The following DGKD variants were observed in gnomAD, a reference collection of about 807,000 sequenced individuals.
DGKD encodes the protein diacylglycerol kinase delta.
DGKD carries 68 observed loss-of-function variants against 154.4 expected under a neutral mutation model. The observed-to-expected ratio is 0.44, with a 90% CI of 0.36 to 0.54. The LOEUF is 0.54. Ranked by LOEUF, DGKD falls within the 20% of genes least tolerant of loss-of-function variation. DGKD has a pLI of 0.00. For synonymous variants in DGKD, 693 were observed against 638.0 expected (o/e 1.09, Z -1.30); for missense variants, 1,343 against 1,593.6 (o/e 0.84, Z 2.68).
chr2:233,389,596 A>T (rs1703445924), intron 2 of DGKD, among the ~76,000 whole-genome samples: 1 of 152,136 alleles, frequency 6.6e-6, no homozygotes, highest in South Asian at 2.1e-4. Context: ...AAACACGACA[A>T]AATAACCTTT....
At position 233,400,550 on chromosome 2, in the gene DGKD, G is replaced by A. The variant is rs182281186; in HGVS notation, c.348+10067G>A. ...ACTTCCTAACTGCCTCTCCTCTCACGGCTCTCCTTCCGTGCCCCCTACCTT... is the reference window on the plus strand; with the variant it reads ...ACTTCCTAACTGCCTCTCCTCTCACAGCTCTCCTTCCGTGCCCCCTACCTT... On this transcript the variant is annotated intron_variant, in intron 3 of 29. Coordinates refer to ENST00000264057, the MANE Select transcript of DGKD (RefSeq NM_152879.3). 1.4e-4 allele frequency among the ~76,000 whole-genome samples: 21 copies of A among 152,326 alleles called. No individual in the cohort carries two copies. In the East Asian group the frequency reaches 2.5e-3, roughly 18 times the overall value.
rs569139515 is a variant in DGKD, at chr2:233,448,590, G to A, written c.1614+215G>A. 7.2e-5 allele frequency among the ~76,000 whole-genome samples: 11 copies of A among 152,380 alleles called. No individual in the cohort carries two copies. The East Asian group carries it at 1.9e-3, about 27-fold the overall frequency. On this transcript the variant is annotated intron_variant, in intron 14 of 29. Coordinates refer to ENST00000264057, the MANE Select transcript of DGKD (RefSeq NM_152879.3). ...AAGTACACTCCACACTGTGGGAGCT[G>A]CCCGAGCAGCGGCTCAAGGGTCCAG...
chr2:233,361,511 C>G (rs1415962772), intron 1 of DGKD, among the ~76,000 whole-genome samples: 1 of 152,182 alleles, frequency 6.6e-6, no homozygotes, highest in Non-Finnish European at 1.5e-5. Flanking sequence ...CCAGTCGAAA[C>G]TACAGGCTGT....
intron 1 of DGKD, among the ~76,000 whole-genome samples, chr2:233,365,280 G>A (rs1398065964): frequency 1.3e-5 from 2 of 151,874 alleles, no homozygotes; most frequent in Non-Finnish European, 2.9e-5. Context: ...GCCCAGACTG[G>A]AGTGTAATGG....
At chr2:233,466,127 A>G (rs918615393) in intron 27 of DGKD, among the ~76,000 whole-genome samples, 3 of 151,838 alleles carry the variant, frequency 2.0e-5, no homozygotes, top group African/African-American at 4.8e-5. Context: ...CTGTGCTCCA[A>G]GCAATGGTCT....
intron 3 of DGKD, among the ~76,000 whole-genome samples, chr2:233,418,896 C>G (rs1372765790): frequency 1.3e-5 from 2 of 152,200 alleles, no homozygotes; most frequent in Non-Finnish European, 2.9e-5. Flanking sequence ...CGGACCTGGG[C>G]ACTCAGGCTC....
At chr2:233,446,868 ATC>A in intron 12 of DGKD, 72 bp downstream of exon 12, 1 of 1,560,154 alleles carries the variant, frequency 6.4e-7, no homozygotes, top group Non-Finnish European at 8.8e-7. Context: ...AGCGGTTTGC[ATC>A]ACCTCCCTTG....
Position 233,456,954 on chromosome 2 carries a change from C to T in DGKD, c.2431C>T (p.His811Tyr). 6.2e-7 allele frequency: 1 copy of T among 1,614,202 alleles called. No homozygotes were observed. Among genetic ancestry groups the T allele is most frequent in the Non-Finnish European group, 8.5e-7 (1 of 1,180,018 alleles). The change falls in exon 20 of 30, where the codon CAC becomes TAC. Residue 811 changes from histidine (H) to tyrosine (Y), a missense_variant. By Grantham distance (83) the His-to-Tyr change is moderately conservative (BLOSUM62 2). Around this residue, in one of 6 missense-constraint regions of DGKD, gnomAD observed 60 missense variants for 112.4 expected, o/e 0.53. Transcript: ENST00000264057. Reference protein sequence around the residue: ...YGVLGTKELLHRTYKNLEQKV... With the variant: ...YGVLGTKELLYRTYKNLEQKV... The stretch of plus-strand genomic sequence containing the variant: ...AGTTCTTGGAACCAAAGAGTTGCTG[C>T]ACAGAACCTACAAGAACCTGGAGCA...
At chr2:233,362,649 A>G (rs753985518) in intron 1 of DGKD, among the ~76,000 whole-genome samples, 20 of 152,184 alleles carry the variant, frequency 1.3e-4, no homozygotes, top group Non-Finnish European at 2.4e-4. Flanking sequence ...GAAACTCTGT[A>G]TTAAATAGAA....
chr2:233,407,133 G>T (rs532065101), intron 3 of DGKD, among the ~76,000 whole-genome samples: 1 of 152,168 alleles, frequency 6.6e-6, no homozygotes, highest in African/African-American at 2.4e-5. Context: ...ACAGAAGTGC[G>T]TTCTGAATGT....
At chr2:233,411,241 T>C (rs1043718745) in intron 3 of DGKD, among the ~76,000 whole-genome samples, 4 of 152,228 alleles carry the variant, frequency 2.6e-5, no homozygotes, top group Non-Finnish European at 4.4e-5. Flanking sequence ...AGTAGGTATA[T>C]GTTTAACTTC....
chr2:233,440,909 A>G lies in DGKD; in HGVS notation c.1086-978A>G, dbSNP rs2062864943. Among the ~76,000 whole-genome samples, 2 of 151,958 alleles carry G rather than the reference A, an allele frequency of 1.3e-5. No individual in the cohort carries two copies. The highest frequency in any genetic ancestry group is 1.3e-4 in the Admixed American group (2 of 15,254). On this transcript the variant is annotated intron_variant, in intron 9 of 29. Transcript: ENST00000264057. The surrounding 1 kb of genome is among the most constrained non-coding windows in gnomAD (Gnocchi z 4.9). Reference sequence around the variant, plus strand: ...CGGGTGGCTGGGTTGGGTGTGGAGGAGAGGCTGCCAGGAGGGGCTGGGTCG... The same window carrying G: ...CGGGTGGCTGGGTTGGGTGTGGAGGGGAGGCTGCCAGGAGGGGCTGGGTCG...
intron 28 of DGKD, 113 bp from the exon 29 acceptor site, chr2:233,468,310 T>C: frequency 7.4e-7 from 1 of 1,345,300 alleles, no homozygotes; most frequent in South Asian, 1.4e-5. Context: ...GTGCTGGCTG[T>C]TGGGACGTCT....
intron 1 of DGKD, among the ~76,000 whole-genome samples, chr2:233,374,241 G>A (rs187513123): frequency 3.1e-4 from 47 of 152,258 alleles, no homozygotes; most frequent in South Asian, 6.2e-4. Context: ...AGCAGAGACA[G>A]GGTTTCACCA....
In DGKD at chr2:233,354,526, C is replaced by G. The variant is rs1388376140; in HGVS notation, c.8C>G (p.Ala3Gly). Reference protein sequence around the residue: MAAAAGAPPPGPP... With the variant: MAGAAGAPPPGPP... ...GCGCGCTGGCCCGGCAGCATGGCGG[C>G]GGCGGCGGGCGCCCCTCCGCCGGGT... Residue 3 changes from alanine (A) to glycine (G), a missense_variant, in exon 1 of 30, where the codon GCG becomes GGG. Around this residue, in one of 6 missense-constraint regions of DGKD, gnomAD observed 57 missense variants for 27.8 expected, o/e 2.05. Coordinates refer to ENST00000264057, the MANE Select transcript of DGKD (RefSeq NM_152879.3). This position sits in a 1 kb window ranked among gnomAD's most constrained non-coding sequence, Gnocchi z 4.8. 1.0e-6 allele frequency: 1 copy of G among 988,010 alleles called. No homozygotes were observed. 61.2% of individuals were successfully genotyped at this position (988,010 alleles called of 1,614,324 possible).
intron 27 of DGKD, 66 bp downstream of exon 27, chr2:233,464,349 GT>G (rs1231629594): frequency 6.3e-7 from 1 of 1,589,118 alleles, no homozygotes; most frequent in Non-Finnish European, 8.6e-7. Flanking sequence ...AAGTGCCTGT[GT>G]TCCTTGTGAC....
In DGKD at chr2:233,457,430, G is replaced by T. The variant is rs770044343; in HGVS notation, c.2580+102G>T. 3 of 899,230 alleles carry T rather than the reference G, an allele frequency of 3.3e-6. No homozygotes were observed. The South Asian group carries it at 4.0e-5, about 12-fold the overall frequency. 55.7% of individuals were successfully genotyped at this position (899,230 alleles called of 1,614,324 possible). On this transcript the variant is annotated intron_variant, in intron 21 of 29. Coordinates refer to ENST00000264057, the MANE Select transcript of DGKD (RefSeq NM_152879.3). This position sits in a 1 kb window ranked among gnomAD's most constrained non-coding sequence, Gnocchi z 5.5. ...TGGCTGGGGTGGATCCAGCTCTTCT[G>T]TTGTGCCAGCAGTGGGGTTGCCGTG...
chr2:233,383,891 A>G (rs1316012170), intron 1 of DGKD, among the ~76,000 whole-genome samples: 1 of 152,174 alleles, frequency 6.6e-6, no homozygotes, highest in Non-Finnish European at 1.5e-5. Context: ...GCATTGAGGG[A>G]ACGGGAAGCA....
chr2:233,368,398 G>C, intron 1 of DGKD, among the ~76,000 whole-genome samples: 1 of 152,022 alleles, frequency 6.6e-6, no homozygotes, highest in Admixed American at 6.6e-5. Context: ...TGTAATCCCA[G>C]CTACTCCAGA....
Sources: allele counts gnomAD v4.1 joint callset (sites outside exome capture counted in the v4.1 genomes callset), GRCh38; gene constraint gnomAD v4.1.1; regional missense constraint gnomAD v4.1.1; non-coding constraint Gnocchi (gnomAD v3.1); transcripts MANE v1.5; gene names NCBI Gene and HGNC (gene_info 2026-07-23, HGNC 2026-07-21).